ELAPOR2: variants seen among roughly 807,000 people sequenced by gnomAD.
The protein encoded by ELAPOR2 is endosome/lysosome-associated apoptosis and autophagy regulator family member 2.
ELAPOR2 carries 89 observed loss-of-function variants against 120.7 expected under a neutral mutation model. The observed-to-expected ratio is 0.74, with a 90% CI of 0.62 to 0.88. The LOEUF is 0.88. ELAPOR2 is among the 40% of genes least tolerant of loss of function. The probability of loss-of-function intolerance (pLI) is 0.00; values close to 1 mark genes in which losing one functional copy is unlikely to be tolerated. For missense variants in ELAPOR2, 1,134 were observed against 1,251.6 expected, an observed-to-expected ratio of 0.91 and a Z score of 1.42; for synonymous variants, 444 against 444.9, an observed-to-expected ratio of 1.00 and a Z score of 0.03.
rs188032989 is a variant in ELAPOR2 at position 86,928,834 on chromosome 7, A to G, written c.1090-1918T>C. 1.0e-3 allele frequency among the ~76,000 whole-genome samples: 156 copies of G among 152,148 alleles called. 1 individual carries two copies. In the East Asian group the frequency reaches 0.016, roughly 16 times the overall value. On this transcript the variant is annotated intron_variant, in intron 8 of 21. Transcript: ENST00000450689. ...ATCAAATTTCAAATGCTCTATAGTA[A>G]AAGTTTTATTTACAAAGCCTCTTGT...
chr7:86,983,579 C>T (rs1357262747), intron 1 of ELAPOR2, among the ~76,000 whole-genome samples: 1 of 152,112 alleles, frequency 6.6e-6, no homozygotes, highest in South Asian at 2.1e-4. Flanking sequence ...TCACAGCCAG[C>T]CAAACTAAGC....
At chr7:86,999,156 A>C (rs1376202715) in intron 1 of ELAPOR2, among the ~76,000 whole-genome samples, 1 of 152,116 alleles carries the variant, frequency 6.6e-6, no homozygotes, top group Non-Finnish European at 1.5e-5. Flanking sequence ...CCCAAATGAA[A>C]AAAAGAAAAA....
At chr7:86,882,785 C>T (rs1198547515) in intron 21 of ELAPOR2, among the ~76,000 whole-genome samples, 1 of 152,136 alleles carries the variant, frequency 6.6e-6, no homozygotes, top group Non-Finnish European at 1.5e-5. Flanking sequence ...TAATTCCTAT[C>T]TAACCCCTTT....
At chr7:86,949,261 ATG>A (rs1399014470) in intron 2 of ELAPOR2, among the ~76,000 whole-genome samples, 1 of 152,208 alleles carries the variant, frequency 6.6e-6, no homozygotes, top group Non-Finnish European at 1.5e-5. Flanking sequence ...TCCTAATTCT[ATG>A]ACACTGAGTG....
chr7:86,964,578 T>C (rs1791836252), intron 2 of ELAPOR2, among the ~76,000 whole-genome samples: 1 of 152,190 alleles, frequency 6.6e-6, no homozygotes, highest in Non-Finnish European at 1.5e-5. Flanking sequence ...TTAAGTTATG[T>C]GTATTTCAAC....
Position 86,965,036 on chromosome 7 carries a change from C to G in ELAPOR2, c.190-12G>C. On this transcript the variant is annotated splice_polypyrimidine_tract_variant and intron_variant, in intron 1 of 21. Coordinates refer to ENST00000450689, the MANE Select transcript of ELAPOR2 (RefSeq NM_001142749.3). Reference sequence around the variant, plus strand: ...AAGTGATAATCTTTCTGCAAACAATCACAAAAACAAGCCTTTGTTAGAGCC... The same window carrying G: ...AAGTGATAATCTTTCTGCAAACAATGACAAAAACAAGCCTTTGTTAGAGCC... 1 of 1,551,398 alleles carries G rather than the reference C, an allele frequency of 6.4e-7. No individual in the cohort carries two copies. Among genetic ancestry groups the G allele is most frequent in the South Asian group, 1.2e-5 (1 of 84,038 alleles).
intron 7 of ELAPOR2, among the ~76,000 whole-genome samples, chr7:86,938,460 T>G (rs1790658598): frequency 6.6e-6 from 1 of 152,052 alleles, no homozygotes; most frequent in South Asian, 2.1e-4. Context: ...TTAGATTTCT[T>G]CCATCATCAC....
intron 1 of ELAPOR2, among the ~76,000 whole-genome samples, chr7:87,012,119 G>A (rs1406022310): frequency 6.6e-6 from 1 of 152,070 alleles, no homozygotes; most frequent in Non-Finnish European, 1.5e-5. Flanking sequence ...CATTTAAAGT[G>A]GTCAATATCT....
At chr7:86,902,456 G>GT (rs1382185493) in intron 18 of ELAPOR2, among the ~76,000 whole-genome samples, 1 of 152,178 alleles carries the variant, frequency 6.6e-6, no homozygotes, top group Admixed American at 6.5e-5. Flanking sequence ...GATTACAGGC[G>GT]TAAGCCACTG....
chr7:87,043,080 A>G (rs533617071), intron 1 of ELAPOR2, among the ~76,000 whole-genome samples: 101 of 152,188 alleles, frequency 6.6e-4, no homozygotes, highest in South Asian at 5.4e-3. Context: ...GAATCTCTGA[A>G]TAGACCAATA....
intron 18 of ELAPOR2, among the ~76,000 whole-genome samples, chr7:86,898,359 G>A (rs1271778530): frequency 6.6e-6 from 1 of 152,054 alleles, no homozygotes; most frequent in African/African-American, 2.4e-5. Context: ...TAGGGCATAG[G>A]GGACTGAGAG....
chr7:86,970,525 A>C (rs1792072107), intron 1 of ELAPOR2, among the ~76,000 whole-genome samples: 1 of 152,138 alleles, frequency 6.6e-6, no homozygotes, highest in South Asian at 2.1e-4. Flanking sequence ...TGGCAAGAGG[A>C]AAAAAGGGAG....
chr7:86,885,016 T>C (rs184961139), intron 21 of ELAPOR2, among the ~76,000 whole-genome samples: 347 of 152,256 alleles, frequency 2.3e-3, no homozygotes, highest in African/African-American at 7.4e-3. Context: ...TGGACTCTTA[T>C]TGTCGCAGAT....
At chr7:86,912,820 A>C (rs13231385) in intron 14 of ELAPOR2, 121 bp downstream of exon 14, 21,982 of 1,161,232 alleles carry the variant, frequency 0.019, 287 homozygotes, top group Non-Finnish European at 0.024. Context: ...TGGTAAGTAG[A>C]AAGTCTTATT....
chr7:86,983,231 G>A (rs569549563), intron 1 of ELAPOR2, among the ~76,000 whole-genome samples: 403 of 152,282 alleles, frequency 2.6e-3, no homozygotes, highest in African/African-American at 4.2e-3. Context: ...TGAAAGTGAC[G>A]GGCAGAATGG....
At chr7:86,890,736 G>A (rs540172728) in intron 21 of ELAPOR2, among the ~76,000 whole-genome samples, 1 of 152,012 alleles carries the variant, frequency 6.6e-6, no homozygotes, top group East Asian at 1.9e-4. Flanking sequence ...TTATTTTATG[G>A]CAATAGTACC....
intron 1 of ELAPOR2, among the ~76,000 whole-genome samples, chr7:87,011,874 A>T (rs1562967464): frequency 6.6e-6 from 1 of 152,246 alleles, no homozygotes; most frequent in Non-Finnish European, 1.5e-5. Flanking sequence ...ACTTCTGAAT[A>T]GAAATATAAG....
At chr7:87,033,333 A>G in intron 1 of ELAPOR2, among the ~76,000 whole-genome samples, 1 of 152,354 alleles carries the variant, frequency 6.6e-6, no homozygotes, top group South Asian at 2.1e-4. Flanking sequence ...TATCAAAAAA[A>G]TCGAAGATAA....
chr7:87,012,136 G>A (rs956959969), intron 1 of ELAPOR2, among the ~76,000 whole-genome samples: 1 of 152,140 alleles, frequency 6.6e-6, no homozygotes, highest in African/African-American at 2.4e-5. Context: ...ATCTGGCCGG[G>A]CGTGGTGGCT....
Sources: allele counts gnomAD v4.1 joint callset (sites outside exome capture counted in the v4.1 genomes callset), GRCh38; gene constraint gnomAD v4.1.1; transcripts MANE v1.5; gene names NCBI Gene and HGNC (gene_info 2026-07-23, HGNC 2026-07-21).